NCF2: variants seen among roughly 807,000 people sequenced by gnomAD.
NCF2 encodes the protein neutrophil cytosolic factor 2.
A neutral mutation model predicts 70.9 loss-of-function variants in NCF2; 45 were observed. That is an observed-to-expected ratio of 0.63 (90% CI 0.50 to 0.81). The LOEUF (loss-of-function observed/expected upper bound fraction) is 0.81. Among genes scored for constraint, NCF2 ranks in the 40% least tolerant of loss-of-function variants. The pLI, the probability that NCF2 is intolerant of heterozygous loss-of-function variation, is 0.00. For synonymous variants in NCF2, 203 were observed against 233.6 expected (o/e 0.87, Z 1.19); for missense variants, 522 against 631.6 (o/e 0.83, Z 1.86).
chr1:183,564,084 T>C, intron 10 of NCF2, 54 bp from the exon 11 acceptor site: 1 of 1,550,204 alleles, frequency 6.5e-7, no homozygotes, highest in South Asian at 1.1e-5. Context: ...TGAACATCCT[T>C]GGCCAGCCCC....
intron 13 of NCF2, among the ~76,000 whole-genome samples, chr1:183,561,027 A>G (rs1034364457): frequency 1.1e-4 from 16 of 152,354 alleles, no homozygotes; most frequent in Middle Eastern, 6.8e-3. Flanking sequence ...CTGTATTTTA[A>G]GTCCTCTAGG....
At position 183,585,624 on chromosome 1, in the gene NCF2, C is replaced by CAAAAAAAAAAAAAAAAAAAAAAAA. The variant is rs750881920; in HGVS notation, c.257+1270_257+1271insTTTTTTTTTTTTTTTTTTTTTTTT. On this transcript the variant is annotated intron_variant, in intron 2 of 14. Coordinates refer to ENST00000367535, the MANE Select transcript of NCF2 (RefSeq NM_000433.4). Reference sequence around the variant, plus strand: ...TGGGTGACAGGGCGAAACTCCGTCTCAAAAAAAAAAAAAATTCTTCATTAG... The same window carrying CAAAAAAAAAAAAAAAAAAAAAAAA: ...TGGGTGACAGGGCGAAACTCCGTCTCAAAAAAAAAAAAAAAAAAAAAAAAAAAAAAAAAAAAAATTCTTCATTAG... Among the ~76,000 whole-genome samples the CAAAAAAAAAAAAAAAAAAAAAAAA allele has an allele frequency of 1.6e-3, 181 of 114,512 alleles. 8 individuals are homozygous for CAAAAAAAAAAAAAAAAAAAAAAAA. The highest frequency in any genetic ancestry group is 7.6e-3 in the African/African-American group (167 of 21,968). The allele number at this position is 114,512 out of a possible 152,430, so 75.1% of individuals were successfully genotyped here. A position where few individuals can be genotyped will look rare whatever the true frequency, so the allele number is the denominator to read the frequency against.
chr1:183,599,425 T>TCTTTCTTTCTTTCTTTCTTTC, the NCF2 span, among the ~76,000 whole-genome samples: 355 of 75,950 alleles, frequency 4.7e-3, 4 homozygotes, highest in African/African-American at 0.015. Flanking sequence ...TTTCTTTCCT[T>TCTTTCTTTCTTTCTTTCTTTC]CTTTCTTTCT....
intron 10 of NCF2, among the ~76,000 whole-genome samples, chr1:183,564,309 CA>C (rs1672212146): frequency 6.6e-6 from 1 of 152,128 alleles, no homozygotes; most frequent in Admixed American, 6.6e-5. Context: ...ACAAGGTTAG[CA>C]GGGATCCCAA....
At chr1:183,585,960 T>G (rs1673329726) in intron 2 of NCF2, among the ~76,000 whole-genome samples, 1 of 152,238 alleles carries the variant, frequency 6.6e-6, no homozygotes, top group African/African-American at 2.4e-5. Flanking sequence ...TGATAACATT[T>G]TGATCTATGG....
intron 14 of NCF2, among the ~76,000 whole-genome samples, chr1:183,558,575 AT>A (rs924592083): frequency 2.3e-5 from 3 of 129,114 alleles, no homozygotes; most frequent in Non-Finnish European, 3.3e-5. Flanking sequence ...GCCTATTTTT[AT>A]TTTTTTTAAG....
chr1:183,587,077 C>T, intron 1 of NCF2, 100 bp from the exon 2 acceptor site: 1 of 1,152,284 alleles, frequency 8.7e-7, no homozygotes, highest in African/African-American at 1.5e-5. Context: ...TGGTGCCCAG[C>T]TCTGCTGTCT....
intron 2 of NCF2, among the ~76,000 whole-genome samples, chr1:183,578,460 T>C (rs1371293113): frequency 6.6e-6 from 1 of 151,792 alleles, no homozygotes; most frequent in African/African-American, 2.4e-5. Flanking sequence ...CAGGTTCAAG[T>C]GATTCTCCTG....
chr1:183,573,340 C>T (rs760458285), intron 4 of NCF2, 48 bp from the exon 5 acceptor site: 17 of 1,529,362 alleles, frequency 1.1e-5, no homozygotes, highest in South Asian at 6.7e-5. Flanking sequence ...ATGGGGGTGA[C>T]GATGCTTGTC....
rs780058052 is a variant in NCF2, at chr1:183,590,335, G to C, written c.-6C>G. The C allele has an allele frequency of 1.9e-6, 3 of 1,614,126 alleles. No individual in the cohort carries two copies. The Admixed American group carries it at 5.0e-5, about 27-fold the overall frequency. On this transcript the variant is annotated 5_prime_UTR_variant, in exon 1 of 15. Coordinates refer to ENST00000367535, the MANE Select transcript of NCF2 (RefSeq NM_000433.4). ...ATGGCCTCCACCAGGGACATGATTA[G>C]GTAGAAACTAGGAGGCCAAGAGAGC... is the stretch of plus-strand genomic sequence containing the variant.
chr1:183,568,856 A>C (rs1672422116), intron 7 of NCF2, among the ~76,000 whole-genome samples: 1 of 152,072 alleles, frequency 6.6e-6, no homozygotes, highest in Non-Finnish European at 1.5e-5. Flanking sequence ...GCACGTGGAC[A>C]GAGGGCCAAT....
intron 4 of NCF2, among the ~76,000 whole-genome samples, chr1:183,573,650 C>T (rs377173180): frequency 2.0e-5 from 3 of 152,166 alleles, no homozygotes; most frequent in African/African-American, 7.2e-5. Context: ...ACAGTGCTCC[C>T]TTGGATGGGT....
upstream of NCF2, among the ~76,000 whole-genome samples, chr1:183,592,927 C>T (rs1673714193): frequency 6.6e-6 from 1 of 152,132 alleles, no homozygotes; most frequent in Non-Finnish European, 1.5e-5. Flanking sequence ...CTAGGCTGCC[C>T]TCTCCCATGT....
At chr1:183,600,276 C>A in the NCF2 span, among the ~76,000 whole-genome samples, 2 of 152,200 alleles carry the variant, frequency 1.3e-5, no homozygotes, top group Admixed American at 6.5e-5. Context: ...GGATTGACTG[C>A]AAGCTCAGTA....
At chr1:183,597,067 T>C in the NCF2 span, among the ~76,000 whole-genome samples, 692 of 152,342 alleles carry the variant, frequency 4.5e-3, 3 homozygotes, top group African/African-American at 0.013. Flanking sequence ...TCTTAATAAA[T>C]ATGTGCTGAT....
At chr1:183,591,383 A>G (rs1380749098), upstream of NCF2, among the ~76,000 whole-genome samples, 1 of 152,074 alleles carries the variant, frequency 6.6e-6, no homozygotes. Flanking sequence ...CATAGGCTGT[A>G]TTAATATGTT....
At chr1:183,578,505 C>T (rs1421350970) in intron 2 of NCF2, among the ~76,000 whole-genome samples, 5 of 152,076 alleles carry the variant, frequency 3.3e-5, no homozygotes, top group African/African-American at 7.2e-5. Context: ...GCTGGGACTA[C>T]GGGCGAGCGC....
At chr1:183,586,357 T>C (rs1195455085) in intron 2 of NCF2, among the ~76,000 whole-genome samples, 1 of 152,194 alleles carries the variant, frequency 6.6e-6, no homozygotes, top group Non-Finnish European at 1.5e-5. Context: ...AAAATTAACA[T>C]CTACTGCAAA....
chr1:183,558,596 C>T (rs996949453), intron 14 of NCF2, among the ~76,000 whole-genome samples: 5 of 151,578 alleles, frequency 3.3e-5, no homozygotes, highest in Middle Eastern at 3.4e-3. Flanking sequence ...GACAGAGTCT[C>T]GCTCTGTCAC....
Sources: allele counts gnomAD v4.1 joint callset (sites outside exome capture counted in the v4.1 genomes callset), GRCh38; gene constraint gnomAD v4.1.1; transcripts MANE v1.5; gene names NCBI Gene and HGNC (gene_info 2026-07-23, HGNC 2026-07-21).